ITSN2: variants seen among roughly 807,000 people sequenced by gnomAD.
ITSN2 encodes the protein intersectin-2.
In ITSN2, 156 loss-of-function variants were observed where a neutral mutation model predicts 243.7. That is an observed-to-expected ratio of 0.64 (90% CI 0.56 to 0.73). ITSN2 has a LOEUF of 0.73. ITSN2 is among the 30% of genes least tolerant of loss of function. The pLI is 0.00. For synonymous variants in ITSN2, 703 were observed against 699.9 expected (o/e 1.00, Z -0.07); for missense variants, 1,801 against 1,996.1 (o/e 0.90, Z 1.86).
chr2:24,209,090 C>T lies in ITSN2; in HGVS notation c.4595+10G>A, dbSNP rs771574384. The T allele has an allele frequency of 2.5e-6, 4 of 1,613,724 alleles. No individual in the cohort carries two copies. In the South Asian group the frequency reaches 4.4e-5, roughly 18 times the overall value. ...GAGTTCAAGGCAGGCCACACATGGT[C>T]AGGACTGACCTCTCATTAATGTTGT... On this transcript the variant is annotated intron_variant, in intron 36 of 39. Coordinates refer to ENST00000355123, the MANE Select transcript of ITSN2 (RefSeq NM_006277.3).
chr2:24,215,209 C>T (rs1384336957), intron 32 of ITSN2, among the ~76,000 whole-genome samples: 1 of 152,236 alleles, frequency 6.6e-6, no homozygotes, highest in Non-Finnish European at 1.5e-5. Flanking sequence ...GCTTTGATGA[C>T]ATCTGTGCAC....
chr2:24,334,846 G>A (rs1004238977), intron 1 of ITSN2: 9 of 677,384 alleles, frequency 1.3e-5, no homozygotes, highest in East Asian at 7.0e-5. Context: ...GGCGGATCAC[G>A]AGGTCAGGAG....
chr2:24,299,133 G>A (rs950139666), intron 12 of ITSN2, among the ~76,000 whole-genome samples: 3 of 150,258 alleles, frequency 2.0e-5, no homozygotes, highest in Admixed American at 6.7e-5. Context: ...GGGCTCAAGC[G>A]ATTCTCCTGC....
intron 25 of ITSN2, among the ~76,000 whole-genome samples, chr2:24,250,089 A>T (rs889254943): frequency 2.0e-5 from 3 of 152,228 alleles, no homozygotes; most frequent in African/African-American, 4.8e-5. Flanking sequence ...ATTAAATCTT[A>T]ATCTTCAAGT....
At position 24,261,710 on chromosome 2, in the gene ITSN2, C is replaced by T; in HGVS notation, c.2388G>A (p.Trp796Ter). The T allele has an allele frequency of 6.2e-7, 1 of 1,613,332 alleles. No homozygotes were observed. Among genetic ancestry groups the T allele is most frequent in the Admixed American group, 1.7e-5 (1 of 59,926 alleles). ...AATTTCCTTGAAAACTACCATAAAG[C>T]CAACCAGGTTCTCCTACGGTTTTTT... ...VDEKTVGEPG[W>*]LYGSFQGNFG... Residue 796 changes from tryptophan (W) to a stop codon, truncating the protein, a stop_gained, in exon 21 of 40, where the codon TGG becomes TGA. Transcript: ENST00000355123. LOFTEE classifies it high-confidence loss of function.
intron 2 of ITSN2, among the ~76,000 whole-genome samples, chr2:24,319,888 G>C (rs1393377746): frequency 6.6e-6 from 1 of 152,202 alleles, no homozygotes; most frequent in South Asian, 2.1e-4. Flanking sequence ...TGTACATGAA[G>C]AGATCTTCAA....
chr2:24,325,226 T>A (rs566273286), intron 2 of ITSN2, among the ~76,000 whole-genome samples: 1 of 151,956 alleles, frequency 6.6e-6, no homozygotes, highest in African/African-American at 2.4e-5. Flanking sequence ...TTGGACAAGA[T>A]AGTGAGACCC....
rs533828530 is a variant in ITSN2 at position 24,236,665 on chromosome 2, T to C, written c.3577+9464A>G. Among the ~76,000 whole-genome samples, 18 of 16,352 alleles carry C rather than the reference T, an allele frequency of 1.1e-3. No individual in the cohort carries two copies. The South Asian group carries it at 0.023, about 21-fold the overall frequency. The allele number at this position is 16,352 out of a possible 152,430, so 10.7% of individuals were successfully genotyped here. A position where few individuals can be genotyped will look rare whatever the true frequency, so the allele number is the denominator to read the frequency against. On this transcript the variant is annotated intron_variant, in intron 29 of 39. Coordinates refer to ENST00000355123, the MANE Select transcript of ITSN2 (RefSeq NM_006277.3). ...GTGCAATCTCTGATTTTTCCTGTGT[T>C]TTTTTTTCTTTTTTTTTTTTTGGAC...
intron 2 of ITSN2, among the ~76,000 whole-genome samples, chr2:24,322,459 CCAA>C (rs1369651223): frequency 3.9e-5 from 6 of 152,108 alleles, no homozygotes; most frequent in Admixed American, 3.9e-4. Flanking sequence ...CCATTGATTT[CCAA>C]CAACATGTGG....
chr2:24,318,953 C>A (rs1446362756), intron 2 of ITSN2, among the ~76,000 whole-genome samples: 2 of 152,178 alleles, frequency 1.3e-5, no homozygotes, highest in Non-Finnish European at 2.9e-5. Context: ...GGAGCACAAA[C>A]CCTATTGTGA....
chr2:24,217,490 C>T (rs907362097), intron 31 of ITSN2, among the ~76,000 whole-genome samples: 3 of 152,258 alleles, frequency 2.0e-5, no homozygotes, highest in East Asian at 3.9e-4. Flanking sequence ...GGCCTGTCCT[C>T]ACAGCCACGA....
At chr2:24,208,122 C>T (rs1011538371) in intron 37 of ITSN2, 115 bp downstream of exon 37, 20 of 895,326 alleles carry the variant, frequency 2.2e-5, no homozygotes, top group African/African-American at 6.6e-5. Flanking sequence ...TCTGATCCCG[C>T]AGCAGGTCTG....
intron 17 of ITSN2, among the ~76,000 whole-genome samples, chr2:24,282,413 T>A (rs956669467): frequency 6.6e-6 from 1 of 152,198 alleles, no homozygotes; most frequent in Non-Finnish European, 1.5e-5. Flanking sequence ...GAGCTACTTC[T>A]ACTCAATAAA....
rs764954537 is a variant in ITSN2 at position 24,220,983 on chromosome 2, C to T, written c.3661G>A (p.Glu1221Lys). ...TGAAGGTCAGCCATGTACCGCTCTTCGGTCTGAATCAGCTCATGAATATAG... is the reference window on the plus strand; with the variant it reads ...TGAAGGTCAGCCATGTACCGCTCTTTGGTCTGAATCAGCTCATGAATATAG... ...QGYIHELIQT[E>K]ERYMADLQLV... The change falls in exon 30 of 40, where the codon GAA (glutamate) becomes AAA (lysine). Residue 1221 changes from glutamate to lysine, a missense_variant. Physicochemically the swap from Glu to Lys is moderately conservative, Grantham distance 56. Transcript: ENST00000355123. The T allele has an allele frequency of 1.9e-6, 3 of 1,609,412 alleles. No homozygotes were observed. The highest frequency in any genetic ancestry group is 1.7e-6 in the Non-Finnish European group (2 of 1,178,328).
chr2:24,276,617 C>CCTA (rs1678044263), intron 17 of ITSN2, among the ~76,000 whole-genome samples: 1 of 152,200 alleles, frequency 6.6e-6, no homozygotes, highest in South Asian at 2.1e-4. Flanking sequence ...CCCTGCCTTC[C>CCTA]TCTAGGAAAC....
chr2:24,340,408 G>T (rs7556800), intron 1 of ITSN2, among the ~76,000 whole-genome samples: 71 of 151,962 alleles, frequency 4.7e-4, no homozygotes, highest in African/African-American at 1.6e-3. Flanking sequence ...TTGAACCCGG[G>T]GGGTGGAGGT....
intron 20 of ITSN2, 44 bp downstream of exon 20, chr2:24,270,627 T>C (rs779110542): frequency 5.8e-6 from 5 of 861,536 alleles, no homozygotes; most frequent in African/African-American, 5.1e-5. Context: ...TATATTACAA[T>C]GTATTTAGGT....
intron 22 of ITSN2, among the ~76,000 whole-genome samples, chr2:24,260,760 T>C (rs1316524201): frequency 6.6e-6 from 1 of 151,708 alleles, no homozygotes; most frequent in Non-Finnish European, 1.5e-5. Context: ...ATACAAAAAT[T>C]AGGCATGGTG....
chr2:24,350,613 C>T (rs1687935331), intron 1 of ITSN2, among the ~76,000 whole-genome samples: 1 of 152,006 alleles, frequency 6.6e-6, no homozygotes, highest in South Asian at 2.1e-4. Flanking sequence ...AATGAATAAA[C>T]AATAAACAAA....
Sources: gnomAD v4.1 joint callset for allele counts (sites outside exome capture counted in the v4.1 genomes callset) on GRCh38, gnomAD v4.1.1 for gene constraint, MANE v1.5 for transcripts, NCBI Gene and HGNC (gene_info 2026-07-23, HGNC 2026-07-21) for gene names.